The following CLASP1 variants were observed in gnomAD, a reference collection of about 807,000 sequenced individuals.
CLASP1 encodes cytoplasmic linker associated protein 1.
CLASP1 carries 38 observed loss-of-function variants against 192.3 expected under a neutral mutation model. That is an observed-to-expected ratio of 0.20 (90% CI 0.15 to 0.26). The LOEUF (loss-of-function observed/expected upper bound fraction) is 0.26, where lower values mean the gene tolerates loss of function less well. CLASP1 is among the 10% of genes least tolerant of loss of function. CLASP1 has a pLI of 1.00. For synonymous variants in CLASP1, 691 were observed against 712.8 expected (o/e 0.97, Z 0.49); for missense variants, 1,433 against 1,932.5 (o/e 0.74, Z 4.85).
chr2:121,530,969 C>CTAGAGCTT, intron 2 of CLASP1: 2 of 700,398 alleles, frequency 2.9e-6, no homozygotes, highest in South Asian at 3.0e-5. Context: ...CCCGCATCAA[C>CTAGAGCTT]TAGAGCTTTT....
chr2:121,413,947 G>A (rs1574503951), intron 23 of CLASP1, among the ~76,000 whole-genome samples, 194 bp downstream of exon 24: 1 of 152,130 alleles, frequency 6.6e-6, no homozygotes, highest in Non-Finnish European at 1.5e-5. Flanking sequence ...TTGTCAAACA[G>A]GCTATGAAGC....
intron 1 of CLASP1, among the ~76,000 whole-genome samples, chr2:121,640,154 G>A (rs2071754159): frequency 6.7e-6 from 1 of 149,772 alleles, no homozygotes; most frequent in South Asian, 2.1e-4. Flanking sequence ...CTCACTCACA[G>A]ATAGGAACTG....
exon 40 of CLASP1, chr2:121,340,239 ACGCT>A (rs1328079578): frequency 1.3e-5 from 2 of 152,282 alleles, no homozygotes; most frequent in African/African-American, 4.8e-5. Context: ...TCCCAATTCT[ACGCT>A]GAAAGCCAGG....
At position 121,623,033 on chromosome 2, in the gene CLASP1, G is replaced by A. The variant is rs112867280; in HGVS notation, c.-285-16853C>T. Among the ~76,000 whole-genome samples, 1,017 of 152,012 alleles carry A rather than the reference G, an allele frequency of 6.7e-3. 12 individuals are homozygous for A. The highest frequency in any genetic ancestry group is 0.023 in the African/African-American group (971 of 41,454). ...AAGCTCAGGAGTTCGAGACCAGCCT[G>A]GGCAACATAGTAAAACTCCGTCTAT... On this transcript the variant is annotated intron_variant, in intron 1 of 39. Transcript: ENST00000263710.
rs537559423 is a variant in CLASP1 at position 121,407,142 on chromosome 2, G to C, written c.2669+329C>G. ...GAGGGAGAAGAATCGCTTGAACCCA[G>C]GAGGTGGAGGCTGCAGTGAGCCAAG... is the stretch of plus-strand genomic sequence containing the variant. On this transcript the variant is annotated intron_variant, in intron 25 of 39. Transcript: ENST00000263710. 3.3e-5 allele frequency among the ~76,000 whole-genome samples: 5 copies of C among 152,022 alleles called. No individual in the cohort carries two copies. In the South Asian group the frequency reaches 1.0e-3, roughly 32 times the overall value.
At position 121,560,376 on chromosome 2, in the gene CLASP1, G is replaced by A. The variant is rs550767410; in HGVS notation, c.196-30051C>T. ...GTGAGCAATGTGTTTGTATGCTGGGGAATAGGATTTTCACCTTGGGCTTCA... is the reference window on the plus strand; with the variant it reads ...GTGAGCAATGTGTTTGTATGCTGGGAAATAGGATTTTCACCTTGGGCTTCA... On this transcript the variant is annotated intron_variant, in intron 2 of 39. Transcript: ENST00000263710. Among the ~76,000 whole-genome samples, 7 of 152,154 alleles carry A rather than the reference G, an allele frequency of 4.6e-5. No individual in the cohort carries two copies. The South Asian group carries it at 1.0e-3, about 23-fold the overall frequency.
At chr2:121,347,008 G>A (rs2063534842) in intron 39 of CLASP1, 30 bp downstream of exon 40, 3 of 1,352,474 alleles carry the variant, frequency 2.2e-6, no homozygotes, top group Non-Finnish European at 3.1e-6. Context: ...GCCCAGGTGT[G>A]CGTATCAGCC....
At chr2:121,407,637 A>C in exon 25 of CLASP1, 1 of 1,614,018 alleles carries the variant, frequency 6.2e-7, no homozygotes, top group Non-Finnish European at 8.5e-7. Flanking sequence ...CGCTCAGAGC[A>C]AACACTTGAG....
chr2:121,402,359 T>C (rs955932576), intron 26 of CLASP1, among the ~76,000 whole-genome samples: 7 of 152,236 alleles, frequency 4.6e-5, no homozygotes, highest in African/African-American at 1.4e-4. Flanking sequence ...CAGTGGAATA[T>C]CTCTGAACCA....
intron 8 of CLASP1, among the ~76,000 whole-genome samples, chr2:121,501,829 G>A (rs1243456206): frequency 6.6e-6 from 1 of 152,162 alleles, no homozygotes; most frequent in African/African-American, 2.4e-5. Flanking sequence ...TTCAAAATGT[G>A]AAGGCTTGTA....
intron 8 of CLASP1, among the ~76,000 whole-genome samples, chr2:121,481,828 C>T (rs577963080): frequency 3.5e-4 from 54 of 152,284 alleles, no homozygotes; most frequent in African/African-American, 1.2e-3. Context: ...AGTAAGCATG[C>T]TTGTGTCTGA....
intron 11 of CLASP1, among the ~76,000 whole-genome samples, chr2:121,460,522 G>T (rs1332904304): frequency 6.6e-6 from 1 of 152,128 alleles, no homozygotes; most frequent in Non-Finnish European, 1.5e-5. Flanking sequence ...ATCAAAGGAA[G>T]AAGCATTCCT....
At chr2:121,530,954 A>AC (rs762551882) in intron 2 of CLASP1, 1 of 700,430 alleles carries the variant, frequency 1.4e-6, no homozygotes, top group South Asian at 1.5e-5. Context: ...CGCCTGAACA[A>AC]CACACCCGCA....
At chr2:121,600,526 C>A (rs186732536) in intron 2 of CLASP1, among the ~76,000 whole-genome samples, 18 of 152,258 alleles carry the variant, frequency 1.2e-4, no homozygotes, top group African/African-American at 4.1e-4. Flanking sequence ...CCTTTGTAAC[C>A]CTGCAAATGT....
chr2:121,345,905 A>C (rs1436632372), intron 39 of CLASP1, among the ~76,000 whole-genome samples: 1 of 152,118 alleles, frequency 6.6e-6, no homozygotes, highest in Non-Finnish European at 1.5e-5. Flanking sequence ...ATGCTGCTTA[A>C]ACTTCCTACC....
intron 20 of CLASP1, among the ~76,000 whole-genome samples, chr2:121,429,612 A>G (rs2081034879): frequency 6.6e-6 from 1 of 152,360 alleles, no homozygotes; most frequent in East Asian, 1.9e-4. Flanking sequence ...ACATGGCAGG[A>G]AGAGAGGTGC....
In CLASP1 at chr2:121,444,954, T is replaced by C. The variant is rs374737915; in HGVS notation, c.1912+2383A>G. ...AACCGCTTACCCTCCGCTTTAGTGG[T>C]AGTACCATCTTTAAGCAAATTAAAA... On this transcript the variant is annotated intron_variant, in intron 19 of 39. Coordinates refer to ENST00000263710, the Ensembl canonical transcript of CLASP1. The C allele has an allele frequency of 1.3e-5, 18 of 1,358,960 alleles. No homozygotes were observed. In the African/African-American group the frequency reaches 1.5e-4, roughly 11 times the overall value. The allele number at this position is 1,358,960 out of a possible 1,614,324, so 84.2% of individuals were successfully genotyped here. A position where few individuals can be genotyped will look rare whatever the true frequency, so the allele number is the denominator to read the frequency against.
rs1381750929 is a variant in CLASP1 at position 121,365,073 on chromosome 2, A to G, written c.4077+21T>C. On this transcript the variant is annotated intron_variant, in intron 36 of 39. Coordinates refer to ENST00000263710, the Ensembl canonical transcript of CLASP1. Reference sequence around the variant, plus strand: ...CCCATTACATGGAAAGGGGCAAGATAAGGCCAAACCAGCATCTCACGTCTT... The same window carrying G: ...CCCATTACATGGAAAGGGGCAAGATGAGGCCAAACCAGCATCTCACGTCTT... 1.9e-6 allele frequency: 3 copies of G among 1,613,294 alleles called. No homozygotes were observed. In the African/African-American group the frequency reaches 4.0e-5, roughly 22 times the overall value.
chr2:121,543,942 G>T (rs1338453544), intron 2 of CLASP1, among the ~76,000 whole-genome samples: 1 of 152,070 alleles, frequency 6.6e-6, no homozygotes, highest in Non-Finnish European at 1.5e-5. Context: ...ATATTTTGAG[G>T]CAAATATCAT....
Sources: allele counts gnomAD v4.1 joint callset (sites outside exome capture counted in the v4.1 genomes callset), GRCh38; gene constraint gnomAD v4.1.1; transcripts MANE v1.5; gene names NCBI Gene and HGNC (gene_info 2026-07-23, HGNC 2026-07-21).